SZT2: variants seen among roughly 807,000 people sequenced by gnomAD.
The protein encoded by SZT2 is SZT2 subunit of KICSTOR complex, also known as KICSTOR complex protein SZT2.
In SZT2, 216 loss-of-function variants were observed where a neutral mutation model predicts 404.2. The ratio of observed to expected loss-of-function variants is 0.53; its 90% CI spans 0.48 to 0.60. The LOEUF (loss-of-function observed/expected upper bound fraction) is 0.60, where lower values mean the gene tolerates loss of function less well. SZT2 is among the 20% of genes least tolerant of loss of function. The probability of loss-of-function intolerance (pLI) is 0.00; values close to 1 mark genes in which losing one functional copy is unlikely to be tolerated. For missense variants in SZT2, 3,857 were observed against 4,459.2 expected (o/e 0.86, Z 3.85); for synonymous variants, 1,693 against 1,749.9 (o/e 0.97, Z 0.81).
intron 1 of SZT2, among the ~76,000 whole-genome samples, chr1:43,396,419 T>C (rs535719300): frequency 6.6e-6 from 1 of 152,294 alleles, no homozygotes; most frequent in South Asian, 2.1e-4. Flanking sequence ...GACAACAGAT[T>C]TTAAGAGTAG....
chr1:43,421,391 T>C, intron 11 of SZT2, 88 bp downstream of exon 11: 1 of 1,534,656 alleles, frequency 6.5e-7, no homozygotes, highest in Non-Finnish European at 8.8e-7. Context: ...CTTCTATTCC[T>C]TTCTGTCTCA....
At chr1:43,401,248 C>T (rs959763758) in intron 1 of SZT2, among the ~76,000 whole-genome samples, 3 of 152,176 alleles carry the variant, frequency 2.0e-5, no homozygotes, top group Admixed American at 1.3e-4. Flanking sequence ...TTTACTCTTA[C>T]CAGGCATTGT....
chr1:43,435,343 C>T lies in SZT2; in HGVS notation c.6034+14C>T, dbSNP rs1654348821. On this transcript the variant is annotated intron_variant, in intron 42 of 71. Transcript: ENST00000634258. ...TGCCCAGTGATGGTGAGATCCCACCCAGGAGCCTCCCTCACAAGGCAGTGC... is the reference window on the plus strand; with the variant it reads ...TGCCCAGTGATGGTGAGATCCCACCTAGGAGCCTCCCTCACAAGGCAGTGC... 6.2e-7 allele frequency: 1 copy of T among 1,613,448 alleles called. No homozygotes were observed. The highest frequency in any genetic ancestry group is 1.7e-5 in the Admixed American group (1 of 59,992).
intron 4 of SZT2, chr1:43,406,455 G>A: frequency 6.2e-6 from 1 of 161,570 alleles, no homozygotes; most frequent in Non-Finnish European, 1.4e-5. Context: ...ATTCAAAGAA[G>A]GGGAAATGGA....
chr1:43,446,041 A>G, intron 63 of SZT2, 57 bp downstream of exon 63: 1 of 1,600,280 alleles, frequency 6.2e-7, no homozygotes, highest in Non-Finnish European at 8.6e-7. Flanking sequence ...CCACGGCCTG[A>G]GGTCATTGAC....
intron 4 of SZT2, chr1:43,404,799 C>T (rs938507197): frequency 1.0e-5 from 4 of 387,416 alleles, no homozygotes; most frequent in Non-Finnish European, 1.8e-5. Flanking sequence ...TTTCACTGCT[C>T]CTGTAAATCT....
intron 7 of SZT2, among the ~76,000 whole-genome samples, chr1:43,418,434 A>G (rs915591605): frequency 7.9e-5 from 12 of 152,182 alleles, no homozygotes; most frequent in Non-Finnish European, 1.8e-4. Flanking sequence ...CTTTCTTTGA[A>G]AATAGAAAGA....
Position 43,441,203 on chromosome 1 carries a change from A to G in SZT2, c.7345-11A>G. On this transcript the variant is annotated splice_polypyrimidine_tract_variant and intron_variant, in intron 52 of 71. Coordinates refer to ENST00000634258, the MANE Select transcript of SZT2 (RefSeq NM_001365999.1). The surrounding 1 kb of genome is among the most constrained non-coding windows in gnomAD (Gnocchi z 4.8). ...CCAGTAGCCCTTCCTCATTCACTGC[A>G]TTGCCCCCAGAGTAAAACAGAATGT... The G allele has an allele frequency of 6.2e-7, 1 of 1,612,946 alleles. No homozygotes were observed. The highest frequency in any genetic ancestry group is 8.5e-7 in the Non-Finnish European group (1 of 1,179,144).
chr1:43,403,044 A>G (rs1159823570), intron 1 of SZT2, 133 bp from the exon 2 acceptor site: 4 of 973,038 alleles, frequency 4.1e-6, no homozygotes, highest in Non-Finnish European at 4.7e-6. Flanking sequence ...AGGTTGGGGT[A>G]AACTTTTCAC....
At position 43,422,639 on chromosome 1, in the gene SZT2, A is replaced by C; in HGVS notation, c.1922+7A>C. ...ATGTTAAGCTGCTCTCCAGGTGGGC[A>C]AAGTGATGTCCCTTCACCCCCCGCC... On this transcript the variant is annotated splice_region_variant and intron_variant, in intron 13 of 71. Transcript: ENST00000634258. 13 of 1,577,464 alleles carry C rather than the reference A, an allele frequency of 8.2e-6. No individual in the cohort carries two copies. The highest frequency in any genetic ancestry group is 1.0e-5 in the Non-Finnish European group (12 of 1,170,026).
In SZT2 at chr1:43,448,818, T is replaced by C. The variant is rs1656019266; in HGVS notation, c.10086+90T>C. 1.7e-5 allele frequency: 21 copies of C among 1,248,654 alleles called. No individual in the cohort carries two copies. Among genetic ancestry groups the C allele is most frequent in the Non-Finnish European group, 2.5e-5 (21 of 850,980 alleles). 77.3% of individuals were successfully genotyped at this position (1,248,654 alleles called of 1,614,324 possible). ...CCCCTCAGCCTGACCAAACAAGCTCTGCTCTGGAGGGAGGCCTAGACAGAA... is the reference window on the plus strand; with the variant it reads ...CCCCTCAGCCTGACCAAACAAGCTCCGCTCTGGAGGGAGGCCTAGACAGAA... On this transcript the variant is annotated intron_variant, in intron 70 of 71. Coordinates refer to ENST00000634258, the MANE Select transcript of SZT2 (RefSeq NM_001365999.1). This position sits in a 1 kb window ranked among gnomAD's most constrained non-coding sequence, Gnocchi z 4.2.
At position 43,423,275 on chromosome 1, in the gene SZT2, C is replaced by T. The variant is rs1652642930; in HGVS notation, c.2214C>T (p.Cys738=). 6.4e-7 allele frequency: 1 copy of T among 1,564,528 alleles called. No individual in the cohort carries two copies. Among genetic ancestry groups the T allele is most frequent in the Non-Finnish European group, 8.6e-7 (1 of 1,163,656 alleles). ...GPQQALSDRP[C]LVVLHKPLDK... is the part of the protein sequence containing the mutation. ...AGCAGGCCCTGTCTGACCGGCCCTG[C>T]CTTGTGGTCCTGCATAAGCCACTGG... Residue 738 remains cysteine (C), a synonymous_variant, in exon 15 of 72, where the codon TGC becomes TGT. Coordinates refer to ENST00000634258, the MANE Select transcript of SZT2 (RefSeq NM_001365999.1).
At chr1:43,421,097 C>T (rs1652303084) in intron 10 of SZT2, 77 bp from the exon 11 acceptor site, 2 of 1,595,680 alleles carry the variant, frequency 1.3e-6, no homozygotes, top group Non-Finnish European at 1.7e-6. Flanking sequence ...TATCCAGGGT[C>T]CCATGTCCCC....
chr1:43,414,623 G>A (rs1045100145), intron 4 of SZT2, among the ~76,000 whole-genome samples: 10 of 152,252 alleles, frequency 6.6e-5, no homozygotes, highest in African/African-American at 2.4e-4. Flanking sequence ...AATAGCCTCT[G>A]TGTGTACAGA....
chr1:43,411,207 T>C (rs1247603038), intron 4 of SZT2, among the ~76,000 whole-genome samples: 1 of 152,226 alleles, frequency 6.6e-6, no homozygotes, highest in Non-Finnish European at 1.5e-5. Flanking sequence ...CAGGGAACTT[T>C]ATTCTCTCAC....
chr1:43,416,439 G>C, intron 6 of SZT2, 96 bp from the exon 7 acceptor site: 1 of 943,476 alleles, frequency 1.1e-6, no homozygotes, highest in Non-Finnish European at 1.6e-6. Flanking sequence ...TTGGTGGGAA[G>C]ACACTGAGCC....
intron 41 of SZT2, among the ~76,000 whole-genome samples, chr1:43,434,702 T>C (rs1049364185): frequency 6.6e-6 from 1 of 152,136 alleles, no homozygotes; most frequent in Non-Finnish European, 1.5e-5. Context: ...TACTCTCTCA[T>C]ACCATCCCAG....
Position 43,450,485 on chromosome 1 carries a change from G to A in SZT2, c.*5G>A, listed in dbSNP as rs754563831. 8.1e-6 allele frequency: 13 copies of A among 1,613,978 alleles called. No homozygotes were observed. Among genetic ancestry groups the A allele is most frequent in the Non-Finnish European group, 1.1e-5 (13 of 1,179,988 alleles). ...CTCTGGACCCGCCTCCTCTGAGGGAGTGGACTGGACCACTGAATGTCACTG... is the reference window on the plus strand; with the variant it reads ...CTCTGGACCCGCCTCCTCTGAGGGAATGGACTGGACCACTGAATGTCACTG... On this transcript the variant is annotated 3_prime_UTR_variant, in exon 72 of 72. Transcript: ENST00000634258. The surrounding 1 kb of genome is among the most constrained non-coding windows in gnomAD (Gnocchi z 4.3).
At position 43,443,360 on chromosome 1, in the gene SZT2, G is replaced by A. The variant is rs778566517; in HGVS notation, c.8508G>A (p.Glu2836=). The change falls in exon 61 of 72, where the codon GAG becomes GAA. Residue 2836 remains glutamate (E), a synonymous_variant. Coordinates refer to ENST00000634258, the MANE Select transcript of SZT2 (RefSeq NM_001365999.1). ...CTGCCCTGTTTCCCCAGGCTGGAGA[G>A]CTGGAGACCCTGAAGCAGTCATCCC... is the stretch of plus-strand genomic sequence containing the variant. The part of the protein sequence containing the change: ...TPATMPISAG[E]LETLKQSSRL... The A allele has an allele frequency of 6.2e-7, 1 of 1,614,174 alleles. No homozygotes were observed. Among genetic ancestry groups the A allele is most frequent in the Non-Finnish European group, 8.5e-7 (1 of 1,180,020 alleles).
Sources: gnomAD v4.1 joint callset for allele counts (sites outside exome capture counted in the v4.1 genomes callset) on GRCh38, gnomAD v4.1.1 for gene constraint, Gnocchi (gnomAD v3.1) non-coding constraint, MANE v1.5 for transcripts, NCBI Gene and HGNC (gene_info 2026-07-23, HGNC 2026-07-21) for gene names.